The following FN1 variants were observed in gnomAD, a reference collection of about 807,000 sequenced individuals.
FN1 encodes fibronectin.
In FN1, 106 loss-of-function variants were observed where a neutral mutation model predicts 297.3. That is an observed-to-expected ratio of 0.36 (90% CI 0.30 to 0.42). The LOEUF is 0.42. Among genes scored for constraint, FN1 ranks in the 10% least tolerant of loss-of-function variants. The pLI is 1.00. For synonymous variants in FN1, 1,149 were observed against 1,152.6 expected, an observed-to-expected ratio of 1.00 and a Z score of 0.06; for missense variants, 2,690 against 3,124.9, an observed-to-expected ratio of 0.86 and a Z score of 3.32.
At chr2:215,393,433 T>TAC (rs2059943828) in intron 24 of FN1, 1 of 179,898 alleles carries the variant, frequency 5.6e-6, no homozygotes, top group Admixed American at 6.2e-5. Flanking sequence ...AGGGAATATA[T>TAC]ATATATATAT....
At chr2:215,369,375 C>A (rs75158601) in intron 41 of FN1, among the ~76,000 whole-genome samples, 10,185 of 152,268 alleles carry the variant, frequency 0.067, 370 homozygotes, top group Middle Eastern at 0.088. Flanking sequence ...CTCCCAACCT[C>A]TCTCCAGCCA....
chr2:215,420,655 G>A lies in FN1; in HGVS notation c.1675+18C>T, dbSNP rs745627471. ...ATTCCCCCTGTGCAAACTCATCTAGGGAAATAGGGCTACTCACCGACGGGA... is the reference window on the plus strand; with the variant it reads ...ATTCCCCCTGTGCAAACTCATCTAGAGAAATAGGGCTACTCACCGACGGGA... On this transcript the variant is annotated intron_variant, in intron 11 of 45. Transcript: ENST00000354785. The A allele has an allele frequency of 5.6e-6, 9 of 1,613,812 alleles. No individual in the cohort carries two copies. Among genetic ancestry groups the A allele is most frequent in the Admixed American group, 3.3e-5 (2 of 59,974 alleles).
chr2:215,366,608 C>T (rs1016153543), intron 42 of FN1, among the ~76,000 whole-genome samples: 8 of 152,176 alleles, frequency 5.3e-5, no homozygotes, highest in African/African-American at 1.2e-4. Flanking sequence ...AGGGCTTATA[C>T]AACAAAACAC....
At chr2:215,414,086 T>G (rs2106343213) in intron 13 of FN1, among the ~76,000 whole-genome samples, 2 of 152,380 alleles carry the variant, frequency 1.3e-5, no homozygotes, top group Middle Eastern at 6.8e-3. Flanking sequence ...ATTGTAGAAT[T>G]CAATAGCTAT....
At chr2:215,379,054 T>C in intron 34 of FN1, 76 bp downstream of exon 34, 12 of 1,224,474 alleles carry the variant, frequency 9.8e-6, no homozygotes, top group Non-Finnish European at 1.5e-5. Context: ...ATTATGATAT[T>C]ATATTTTCAC....
In FN1 at chr2:215,378,279, A is replaced by T. The variant is rs372033931; in HGVS notation, c.5623-17T>A. The stretch of plus-strand genomic sequence containing the variant: ...GGTGGCCACCTAGAGAAATAAGGGC[A>T]TGGTGAGCTTTAGCAACGTCCTCAA... On this transcript the variant is annotated splice_polypyrimidine_tract_variant and intron_variant, in intron 34 of 45. Transcript: ENST00000354785. 4.6e-5 allele frequency: 69 copies of T among 1,487,358 alleles called. No individual in the cohort carries two copies. The highest frequency in any genetic ancestry group is 6.4e-5 in the Non-Finnish European group (68 of 1,066,188). The allele number at this position is 1,487,358 out of a possible 1,614,324, so 92.1% of individuals were successfully genotyped here.
intron 42 of FN1, 28 bp from the exon 43 acceptor site, chr2:215,365,658 A>G (rs777722820): frequency 6.2e-7 from 1 of 1,613,164 alleles, no homozygotes; most frequent in East Asian, 2.2e-5. Context: ...GTCAGGACCA[A>G]AAAGTTATTT....
chr2:215,392,530 G>A (rs1008132869), intron 25 of FN1: 10 of 283,196 alleles, frequency 3.5e-5, no homozygotes, highest in Non-Finnish European at 6.2e-5. Flanking sequence ...TTATCAAAGG[G>A]TAGAAGGAAG....
intron 44 of FN1, chr2:215,363,641 G>A (rs1391754756): frequency 6.6e-6 from 1 of 152,164 alleles, no homozygotes; most frequent in Non-Finnish European, 1.5e-5. Context: ...TAATGCATTT[G>A]GCATTAACCA....
At position 215,391,667 on chromosome 2, in the gene FN1, G is replaced by A. The variant is rs1334066739; in HGVS notation, c.4217C>T (p.Ser1406Leu). 2 of 1,614,050 alleles carry A rather than the reference G, an allele frequency of 1.2e-6. No homozygotes were observed. The highest frequency in any genetic ancestry group is 1.7e-6 in the Non-Finnish European group (2 of 1,179,950). ...VKNEEDVAEL[S>L]ISPSDNAVVL... ...CACTGCATTGTCTGAAGGAGAAATT[G>A]ACAACTCTGCAACATCTTCCTCATT... is the stretch of plus-strand genomic sequence containing the variant. The change falls in exon 26 of 46, where the codon TCA becomes TTA. Residue 1406 changes from serine to leucine, a missense_variant. Coordinates refer to ENST00000354785, the MANE Select transcript of FN1 (RefSeq NM_212482.4).
chr2:215,416,022 G>C (rs2063388895), intron 12 of FN1, among the ~76,000 whole-genome samples: 1 of 152,054 alleles, frequency 6.6e-6, no homozygotes, highest in African/African-American at 2.4e-5. Flanking sequence ...CACTTCACCA[G>C]ATTATTAACA....
At chr2:215,422,471 G>C (rs780601736) in intron 9 of FN1, among the ~76,000 whole-genome samples, 1 of 151,818 alleles carries the variant, frequency 6.6e-6, no homozygotes, top group Non-Finnish European at 1.5e-5. Context: ...TTACAGGAAG[G>C]GTTAGGGGAT....
intron 35 of FN1, among the ~76,000 whole-genome samples, chr2:215,377,153 A>C (rs1385729202): frequency 6.6e-6 from 1 of 151,934 alleles, no homozygotes; most frequent in Non-Finnish European, 1.5e-5. Context: ...CTCAACAGGT[A>C]CAATGCCATC....
intron 24 of FN1, 114 bp from the exon 25 acceptor site, chr2:215,393,317 T>A: frequency 2.1e-6 from 2 of 974,328 alleles, no homozygotes; most frequent in Non-Finnish European, 1.5e-6. Flanking sequence ...GGTGGAATGT[T>A]AAAGCAATGA....
intron 3 of FN1, 62 bp from the exon 4 acceptor site, chr2:215,432,026 T>G: frequency 1.2e-6 from 2 of 1,605,104 alleles, no homozygotes; most frequent in Non-Finnish European, 1.7e-6. Context: ...TTTGGTCTCA[T>G]ATTCCACCCA....
Position 215,430,747 on chromosome 2 carries a change from T to C in FN1, c.653A>G (p.Glu218Gly). 1 of 1,614,134 alleles carries C rather than the reference T, an allele frequency of 6.2e-7. No individual in the cohort carries two copies. The highest frequency in any genetic ancestry group is 8.5e-7 in the Non-Finnish European group (1 of 1,179,974). Residue 218 changes from glutamate (E) to glycine (G), a missense_variant, in exon 5 of 46, where the codon GAA (glutamate) becomes GGA (glycine). By Grantham distance (98) the Glu-to-Gly change is moderately conservative. Transcript: ENST00000354785. ...WMMVDCTCLGEGSGRITCTSR... is the reference protein window; with the variant it reads ...WMMVDCTCLGGGSGRITCTSR... ...AGTGCAAGTGATGCGTCCGCTGCCTTCTCCCAGGCAAGTACAATCTACCAT... is the reference window on the plus strand; with the variant it reads ...AGTGCAAGTGATGCGTCCGCTGCCTCCTCCCAGGCAAGTACAATCTACCAT...
chr2:215,408,517 A>G (rs918967705), intron 15 of FN1, 91 bp from the exon 16 acceptor site: 1 of 1,289,244 alleles, frequency 7.8e-7, no homozygotes, highest in Non-Finnish European at 1.1e-6. Flanking sequence ...TAAGAATTAT[A>G]TATTCATAGG....
chr2:215,415,792 C>A (rs1175874164), intron 12 of FN1, among the ~76,000 whole-genome samples: 2 of 152,058 alleles, frequency 1.3e-5, no homozygotes, highest in Non-Finnish European at 2.9e-5. Context: ...GAAGTAGCAT[C>A]AATTTCTAAG....
chr2:215,418,612 T>C (rs549045048), intron 12 of FN1, among the ~76,000 whole-genome samples: 1 of 152,244 alleles, frequency 6.6e-6, no homozygotes, highest in African/African-American at 2.4e-5. Flanking sequence ...AATGCAATTT[T>C]CCCCCCAAAT....
Sources: gnomAD v4.1 joint callset for allele counts (sites outside exome capture counted in the v4.1 genomes callset) on GRCh38, gnomAD v4.1.1 for gene constraint, MANE v1.5 for transcripts, NCBI Gene and HGNC (gene_info 2026-07-23, HGNC 2026-07-21) for gene names.